Variants in ADGRB3 observed in about 807,000 individuals in gnomAD.
ADGRB3 encodes brain-specific angiogenesis inhibitor 3.
A neutral mutation model predicts 193.4 loss-of-function variants in ADGRB3; 37 were observed. The observed-to-expected ratio is 0.19, with a 90% confidence interval of 0.15 to 0.25. The LOEUF is 0.25. Among genes scored for constraint, ADGRB3 ranks in the 10% least tolerant of loss-of-function variants. The pLI is 1.00. For synonymous variants in ADGRB3, 690 were observed against 644.2 expected (o/e 1.07, Z -1.08); for missense variants, 1,637 against 1,852.9 (o/e 0.88, Z 2.14).
chr6:68,669,795 C>T (rs1036443129), intron 3 of ADGRB3, among the ~76,000 whole-genome samples: 1 of 151,728 alleles, frequency 6.6e-6, no homozygotes, highest in Non-Finnish European at 1.5e-5. Flanking sequence ...TGGGTATATA[C>T]CCAACAGTGA....
chr6:69,043,290 G>GAGAAAGAA (rs145178367), intron 13 of ADGRB3, among the ~76,000 whole-genome samples: 3,765 of 88,098 alleles, frequency 0.043, 118 homozygotes, highest in Middle Eastern at 0.054. Context: ...GGAAGAAAGA[G>GAGAAAGAA]AGAAAGAAAG....
chr6:68,666,381 G>T (rs564800657), intron 3 of ADGRB3, among the ~76,000 whole-genome samples: 54 of 151,846 alleles, frequency 3.6e-4, no homozygotes, highest in Non-Finnish European at 6.8e-4. Flanking sequence ...CATTAAAGTT[G>T]TCTATTCATG....
intron 17 of ADGRB3, among the ~76,000 whole-genome samples, chr6:69,096,370 T>TC: frequency 6.6e-6 from 1 of 151,130 alleles, no homozygotes; most frequent in African/African-American, 2.4e-5. Flanking sequence ...TGGGTTTTTT[T>TC]TTTTTTTTGC....
At chr6:68,691,251 G>A (rs1043952927) in intron 3 of ADGRB3, among the ~76,000 whole-genome samples, 3 of 152,008 alleles carry the variant, frequency 2.0e-5, no homozygotes, top group South Asian at 2.1e-4. Flanking sequence ...TGTGATAGAC[G>A]TTGTGGTAAG....
intron 3 of ADGRB3, among the ~76,000 whole-genome samples, chr6:68,920,512 CAAAAA>C (rs5877180): frequency 8.7e-5 from 6 of 68,878 alleles, no homozygotes; most frequent in Admixed American, 3.9e-4. Flanking sequence ...GACTCTGTAT[CAAAAA>C]AAAAAAAAAA....
intron 3 of ADGRB3, among the ~76,000 whole-genome samples, chr6:68,695,637 C>T (rs530423557): frequency 6.6e-6 from 1 of 152,010 alleles, no homozygotes; most frequent in African/African-American, 2.4e-5. Context: ...AGACTGGGAC[C>T]GGACATGAGT....
At chr6:69,307,273 G>A (rs531837285) in intron 20 of ADGRB3, among the ~76,000 whole-genome samples, 13 of 151,400 alleles carry the variant, frequency 8.6e-5, no homozygotes, top group East Asian at 1.9e-4. Context: ...CATTGCAACC[G>A]ACTTAAAGAA....
chr6:69,134,877 C>A (rs1338494012), intron 17 of ADGRB3, among the ~76,000 whole-genome samples: 2 of 151,878 alleles, frequency 1.3e-5, no homozygotes, highest in African/African-American at 2.4e-5. Context: ...AATTGAAGAG[C>A]AACATCTCCA....
At position 68,639,282 on chromosome 6, in the gene ADGRB3, G is replaced by A. The variant is rs1236707604; in HGVS notation, c.607G>A (p.Gly203Arg). Reference sequence around the variant, plus strand: ...AAAATGCACCTGCCCTCAGCATTTGGGAGAGTGGGGGATCGACGACCAGTC... The same window carrying A: ...AAAATGCACCTGCCCTCAGCATTTGAGAGAGTGGGGGATCGACGACCAGTC... ...YTKCTCPQHL[G>R]EWGIDDQSLI... The change falls in exon 3 of 32, where the codon GGA becomes AGA. Residue 203 changes from glycine (G) to arginine (R), a missense_variant. Physicochemically the swap from Gly to Arg is moderately radical, Grantham distance 125 (BLOSUM62 -2). Transcript: ENST00000370598. 3 of 1,614,100 alleles carry A rather than the reference G, an allele frequency of 1.9e-6. No homozygotes were observed. The highest frequency in any genetic ancestry group is 4.5e-5 in the East Asian group (2 of 44,852).
chr6:68,829,957 C>T (rs973577130), intron 3 of ADGRB3, among the ~76,000 whole-genome samples: 1 of 152,056 alleles, frequency 6.6e-6, no homozygotes, highest in African/African-American at 2.4e-5. Flanking sequence ...GCTGTATCTG[C>T]TATTCAGACA....
At position 68,707,443 on chromosome 6, in the gene ADGRB3, G is replaced by A. The variant is rs183174607; in HGVS notation, c.757+68011G>A. ...CTGTGTTTGTGTGTGTATTTGGAAG[G>A]GAAAATATTCCCAATATATGCCATT... On this transcript the variant is annotated intron_variant, in intron 3 of 31. Transcript: ENST00000370598. 1.1e-4 allele frequency among the ~76,000 whole-genome samples: 16 copies of A among 152,050 alleles called. No homozygotes were observed. In the East Asian group the frequency reaches 2.9e-3, roughly 28 times the overall value.
intron 31 of ADGRB3, among the ~76,000 whole-genome samples, chr6:69,384,570 CTT>C (rs1770020482): frequency 6.6e-6 from 1 of 152,080 alleles, no homozygotes; most frequent in African/African-American, 2.4e-5. Flanking sequence ...GTAATTTCCC[CTT>C]GTTGTATGGT....
At chr6:69,246,039 T>C (rs1287182294) in intron 20 of ADGRB3, among the ~76,000 whole-genome samples, 1 of 152,164 alleles carries the variant, frequency 6.6e-6, no homozygotes, top group African/African-American at 2.4e-5. Context: ...AGATTATTTT[T>C]CTAGGGCCTG....
Position 69,239,191 on chromosome 6 carries a change from C to T in ADGRB3, c.2779C>T (p.Leu927Phe). The change falls in exon 20 of 32, where the codon CTC becomes TTC. Residue 927 changes from leucine (L) to phenylalanine (F), a missense_variant. Physicochemically the swap from Leu to Phe is conservative, Grantham distance 22. Around this residue, in one of 7 missense-constraint regions of ADGRB3, gnomAD observed 87 missense variants for 161.0 expected, o/e 0.54. Coordinates refer to ENST00000370598, the MANE Select transcript of ADGRB3 (RefSeq NM_001704.3). ...CCTGTCTATCATCTCATCCAATATC[C>T]TCATACTGGTTGGACAGACTCAGAC... ...FCLSIISSNI[L>F]ILVGQTQTHN... 2 of 1,596,640 alleles carry T rather than the reference C, an allele frequency of 1.3e-6. No homozygotes were observed. The highest frequency in any genetic ancestry group is 2.2e-5 in the East Asian group (1 of 44,608).
intron 17 of ADGRB3, among the ~76,000 whole-genome samples, chr6:69,171,098 T>TTA (rs1775260016): frequency 6.6e-6 from 1 of 151,848 alleles, no homozygotes; most frequent in South Asian, 2.1e-4. Flanking sequence ...TATTTTCACA[T>TTA]GTAATCAGTG....
intron 17 of ADGRB3, among the ~76,000 whole-genome samples, chr6:69,159,657 G>A (rs920481241): frequency 7.9e-5 from 12 of 152,090 alleles, no homozygotes; most frequent in African/African-American, 2.9e-4. Context: ...TGTTCATGGA[G>A]TCCCATTGAT....
chr6:69,275,657 C>G (rs1027737451), intron 20 of ADGRB3, among the ~76,000 whole-genome samples: 11 of 151,630 alleles, frequency 7.3e-5, no homozygotes, highest in African/African-American at 2.7e-4. Flanking sequence ...GTTATTGCAT[C>G]ATTTTTTAAA....
intron 20 of ADGRB3, among the ~76,000 whole-genome samples, chr6:69,253,369 A>G (rs1004312074): frequency 2.6e-5 from 4 of 152,094 alleles, no homozygotes; most frequent in African/African-American, 9.7e-5. Flanking sequence ...TTTTCTTAGT[A>G]TTATATTGAT....
intron 3 of ADGRB3, among the ~76,000 whole-genome samples, chr6:68,722,436 C>A (rs7753280): frequency 6.6e-6 from 1 of 151,320 alleles, no homozygotes; most frequent in African/African-American, 2.4e-5. Context: ...ATGTGACAAA[C>A]CTGCACTTTC....
Sources: allele counts gnomAD v4.1 joint callset (sites outside exome capture counted in the v4.1 genomes callset), GRCh38; gene constraint gnomAD v4.1.1; regional missense constraint gnomAD v4.1.1; transcripts MANE v1.5; gene names NCBI Gene and HGNC (gene_info 2026-07-23, HGNC 2026-07-21).